The following IMMP2L variants were observed in gnomAD, a reference collection of about 807,000 sequenced individuals.
IMMP2L encodes mitochondrial inner membrane protease subunit 2.
In IMMP2L, 18 loss-of-function variants were observed where a neutral mutation model predicts 19.3. The observed-to-expected ratio is 0.93, with a 90% CI of 0.64 to 1.38. IMMP2L has a LOEUF of 1.38. Among genes scored for constraint, IMMP2L ranks in the 40% most tolerant of loss-of-function variants. IMMP2L has a pLI of 0.00. For synonymous variants in IMMP2L, 76 were observed against 73.0 expected (o/e 1.04, Z -0.21); for missense variants, 233 against 218.2 (o/e 1.07, Z -0.43).
chr7:111,372,943 A>C (rs2131125318), intron 3 of IMMP2L, among the ~76,000 whole-genome samples: 2 of 152,132 alleles, frequency 1.3e-5, no homozygotes, highest in Middle Eastern at 6.8e-3. Context: ...GGTAAAAGTG[A>C]ACATAAAACA....
chr7:111,420,428 A>G (rs995064460), intron 3 of IMMP2L, among the ~76,000 whole-genome samples: 1 of 151,766 alleles, frequency 6.6e-6, no homozygotes, highest in African/African-American at 2.4e-5. Context: ...TTTAAACTTC[A>G]AGTTCTAGGG....
intron 3 of IMMP2L, among the ~76,000 whole-genome samples, chr7:111,074,284 TGACTCATC>T (rs1795204192): frequency 6.6e-6 from 1 of 152,250 alleles, no homozygotes; most frequent in Non-Finnish European, 1.5e-5. Context: ...CCTACAATGA[TGACTCATC>T]GACTGTCATT....
intron 3 of IMMP2L, among the ~76,000 whole-genome samples, chr7:111,121,049 ACAAG>A (rs1171234873): frequency 6.6e-6 from 1 of 152,198 alleles, no homozygotes; most frequent in African/African-American, 2.4e-5. Context: ...CAAGGTATAA[ACAAG>A]CAAAGATTTG....
chr7:111,096,475 A>G (rs1797407446), intron 3 of IMMP2L, among the ~76,000 whole-genome samples: 1 of 150,938 alleles, frequency 6.6e-6, no homozygotes, highest in African/African-American at 2.4e-5. Flanking sequence ...TTCTTAATTT[A>G]AATCACAGCT....
At chr7:111,517,673 T>C (rs554321849) in intron 2 of IMMP2L, among the ~76,000 whole-genome samples, 152 of 152,220 alleles carry the variant, frequency 1.0e-3, no homozygotes, top group Non-Finnish European at 1.7e-3. Context: ...AAGTTCTAAT[T>C]TGAATAATTA....
At chr7:111,360,684 G>A (rs1310893813) in intron 3 of IMMP2L, among the ~76,000 whole-genome samples, 1 of 151,960 alleles carries the variant, frequency 6.6e-6, no homozygotes, top group Non-Finnish European at 1.5e-5. Flanking sequence ...CAAGCATGGT[G>A]GCACATATCT....
chr7:110,799,243 T>C (rs1801079327), intron 5 of IMMP2L, among the ~76,000 whole-genome samples: 1 of 151,992 alleles, frequency 6.6e-6, no homozygotes, highest in African/African-American at 2.4e-5. Flanking sequence ...ACCATATGTA[T>C]ATCTAGAAGC....
chr7:111,551,127 T>C lies in IMMP2L; in HGVS notation c.-3+10724A>G, dbSNP rs183515730. 7.8e-4 allele frequency among the ~76,000 whole-genome samples: 119 copies of C among 152,308 alleles called. 1 individual carries two copies. Among genetic ancestry groups the C allele is most frequent in the African/African-American group, 2.8e-3 (115 of 41,574 alleles). On this transcript the variant is annotated intron_variant, in intron 1 of 5. Transcript: ENST00000405709. ...TGTATACAATTCCGTAACTAGAACTTGATAATCTGTTTGCAATGTGTCCCC... is the reference window on the plus strand; with the variant it reads ...TGTATACAATTCCGTAACTAGAACTCGATAATCTGTTTGCAATGTGTCCCC...
chr7:111,209,365 C>G (rs1811064365), intron 3 of IMMP2L, among the ~76,000 whole-genome samples: 1 of 148,172 alleles, frequency 6.7e-6, no homozygotes, highest in African/African-American at 2.5e-5. Flanking sequence ...CCACTGCACT[C>G]CAGCCTCGGC....
chr7:110,962,885 C>T (rs940477505), intron 4 of IMMP2L: 31 of 1,318,756 alleles, frequency 2.4e-5, no homozygotes, highest in Middle Eastern at 2.4e-4. Flanking sequence ...TTAAAGAAAG[C>T]GATCACAATG....
At chr7:111,003,178 T>C (rs1248781057) in intron 3 of IMMP2L, among the ~76,000 whole-genome samples, 4 of 152,160 alleles carry the variant, frequency 2.6e-5, no homozygotes, top group Admixed American at 1.3e-4. Context: ...GTGTTCTGGC[T>C]CTAAAACTGT....
Position 110,964,130 on chromosome 7 carries a change from G to A in IMMP2L, c.240-565C>T, listed in dbSNP as rs185375975. On this transcript the variant is annotated intron_variant, in intron 3 of 5. Transcript: ENST00000405709. ...TTCCCCGTATCCTTCTGCTACGATT[G>A]CAAGTTTCCTGAGAACTTCACAGCC... Among the ~76,000 whole-genome samples, 16 of 152,142 alleles carry A rather than the reference G, an allele frequency of 1.1e-4. No homozygotes were observed. In the East Asian group the frequency reaches 2.9e-3, roughly 28 times the overall value.
At chr7:111,520,245 C>T (rs1371478329) in intron 2 of IMMP2L, among the ~76,000 whole-genome samples, 1 of 152,046 alleles carries the variant, frequency 6.6e-6, no homozygotes, top group Non-Finnish European at 1.5e-5. Context: ...GGCTGGTGAT[C>T]CACTATGGAG....
chr7:110,730,532 CTT>C (rs566137083), intron 5 of IMMP2L, among the ~76,000 whole-genome samples: 16 of 143,738 alleles, frequency 1.1e-4, no homozygotes, highest in Admixed American at 1.4e-4. Context: ...TTTTCTTTTT[CTT>C]TTTTTTTTTT....
At chr7:110,981,992 C>T (rs1273025160) in intron 3 of IMMP2L, among the ~76,000 whole-genome samples, 2 of 152,112 alleles carry the variant, frequency 1.3e-5, no homozygotes, top group Non-Finnish European at 2.9e-5. Context: ...GGATTAAATA[C>T]AAAACTGATA....
At chr7:111,338,656 G>GACA (rs575806340) in intron 3 of IMMP2L, among the ~76,000 whole-genome samples, 5 of 152,054 alleles carry the variant, frequency 3.3e-5, no homozygotes, top group Non-Finnish European at 7.4e-5. Flanking sequence ...CATTTAGCCA[G>GACA]ACACTGTAGT....
chr7:111,266,863 A>T (rs924203532), intron 3 of IMMP2L, among the ~76,000 whole-genome samples: 1 of 152,232 alleles, frequency 6.6e-6, no homozygotes, highest in African/African-American at 2.4e-5. Context: ...AGGAATGTTT[A>T]CAAACAGCAG....
At chr7:111,395,545 A>C (rs991296568) in intron 3 of IMMP2L, among the ~76,000 whole-genome samples, 2 of 152,188 alleles carry the variant, frequency 1.3e-5, no homozygotes, top group African/African-American at 4.8e-5. Flanking sequence ...AAAATTTCTA[A>C]AAGTGAGAAA....
intron 5 of IMMP2L, among the ~76,000 whole-genome samples, chr7:110,799,932 G>A (rs1801130727): frequency 6.6e-6 from 1 of 152,042 alleles, no homozygotes; most frequent in South Asian, 2.1e-4. Context: ...ATGACAATGA[G>A]GGTGAATTCT....
Sources: gnomAD v4.1 joint callset for allele counts (sites outside exome capture counted in the v4.1 genomes callset) on GRCh38, gnomAD v4.1.1 for gene constraint, MANE v1.5 for transcripts, NCBI Gene and HGNC (gene_info 2026-07-23, HGNC 2026-07-21) for gene names.